The following RNF111 variants were observed in gnomAD, a reference collection of about 807,000 sequenced individuals.
The protein encoded by RNF111 is E3 ubiquitin-protein ligase Arkadia.
A neutral mutation model predicts 95.1 loss-of-function variants in RNF111; 17 were observed. The ratio of observed to expected loss-of-function variants is 0.18; its 90% CI spans 0.12 to 0.27. The LOEUF is 0.27. Among genes scored for constraint, RNF111 ranks in the 10% least tolerant of loss-of-function variants. The probability of loss-of-function intolerance (pLI) is 1.00; values close to 1 mark genes in which losing one functional copy is unlikely to be tolerated. For missense variants in RNF111, 1,189 were observed against 1,210.4 expected, an observed-to-expected ratio of 0.98 and a Z score of 0.26; for synonymous variants, 440 against 414.8, an observed-to-expected ratio of 1.06 and a Z score of -0.74.
intron 1 of RNF111, chr15:59,004,115 T>G: frequency 8.5e-7 from 1 of 1,174,200 alleles, no homozygotes. Context: ...TTTATTTTAT[T>G]CCAGTGTGAA....
intron 1 of RNF111, among the ~76,000 whole-genome samples, chr15:59,000,307 G>A (rs1041974938): frequency 5.9e-5 from 9 of 151,812 alleles, no homozygotes; most frequent in African/African-American, 2.2e-4. Flanking sequence ...GGGACTACAG[G>A]CATGTACCAC....
chr15:59,068,144 C>T (rs984947930), intron 6 of RNF111, among the ~76,000 whole-genome samples: 1 of 151,286 alleles, frequency 6.6e-6, no homozygotes, highest in East Asian at 1.9e-4. Context: ...TGCTTGAACC[C>T]GGGAGGCTTA....
intron 2 of RNF111, among the ~76,000 whole-genome samples, chr15:59,039,027 C>T (rs1180411674): frequency 2.0e-5 from 3 of 152,136 alleles, no homozygotes; most frequent in South Asian, 4.1e-4. Context: ...TGCAATGACA[C>T]GATCTCAGCT....
At chr15:59,071,399 A>G (rs2042919899) in intron 6 of RNF111, among the ~76,000 whole-genome samples, 1 of 151,664 alleles carries the variant, frequency 6.6e-6, no homozygotes, top group Non-Finnish European at 1.5e-5. Context: ...ATGCTTTTGG[A>G]AGGCAGTGCA....
chr15:59,027,652 C>T (rs1473286067), intron 1 of RNF111, among the ~76,000 whole-genome samples: 2 of 152,018 alleles, frequency 1.3e-5, no homozygotes, highest in Non-Finnish European at 2.9e-5. Flanking sequence ...CGTCAGCCTC[C>T]TGAGTAGCTG....
intron 6 of RNF111, among the ~76,000 whole-genome samples, chr15:59,075,046 C>T (rs1033916766): frequency 2.0e-5 from 3 of 152,202 alleles, no homozygotes; most frequent in Non-Finnish European, 4.4e-5. Flanking sequence ...GGGCACAGTT[C>T]TTGGTGCCTA....
chr15:59,063,119 T>G (rs1395285476), intron 5 of RNF111, among the ~76,000 whole-genome samples: 1 of 152,208 alleles, frequency 6.6e-6, no homozygotes, highest in Non-Finnish European at 1.5e-5. Flanking sequence ...GAGCAAGTGT[T>G]TCTCTTCTTG....
intron 3 of RNF111, among the ~76,000 whole-genome samples, chr15:59,053,242 C>T (rs890173388): frequency 1.3e-5 from 2 of 152,152 alleles, no homozygotes; most frequent in African/African-American, 2.4e-5. Context: ...AGACATTGCC[C>T]TATTGCGGAA....
intron 1 of RNF111, among the ~76,000 whole-genome samples, chr15:58,995,291 T>C (rs186881550): frequency 1.1e-4 from 17 of 152,346 alleles, no homozygotes; most frequent in Admixed American, 4.6e-4. Context: ...TGGACATTCT[T>C]TTATAAGGAA....
Position 59,027,546 on chromosome 15 carries a change from G to A in RNF111, c.-19-3258G>A, listed in dbSNP as rs2040678081. On this transcript the variant is annotated intron_variant, in intron 1 of 13. Transcript: ENST00000348370. Reference sequence around the variant, plus strand: ...ATACCTTTTTTTCTTTTTTTTTTTGGGAGACAGAGTCTTGCTCTGTTGCCC... The same window carrying A: ...ATACCTTTTTTTCTTTTTTTTTTTGAGAGACAGAGTCTTGCTCTGTTGCCC... Among the ~76,000 whole-genome samples, 3 of 149,694 alleles carry A rather than the reference G, an allele frequency of 2.0e-5. No individual in the cohort carries two copies. In the South Asian group the frequency reaches 6.3e-4, roughly 32 times the overall value.
intron 1 of RNF111, among the ~76,000 whole-genome samples, chr15:59,024,740 A>G (rs950102105): frequency 1.3e-5 from 2 of 152,234 alleles, no homozygotes; most frequent in Non-Finnish European, 2.9e-5. Flanking sequence ...CATTAAGTAC[A>G]TTGACATTGT....
At chr15:59,082,074 TCTCTCCCC>T (rs1334690199) in intron 8 of RNF111, among the ~76,000 whole-genome samples, 1 of 152,160 alleles carries the variant, frequency 6.6e-6, no homozygotes, top group Admixed American at 6.6e-5. Context: ...GGAGACCCTG[TCTCTCCCC>T]CTCTCCCCAA....
chr15:59,052,259 A>C, intron 2 of RNF111, 46 bp from the exon 3 acceptor site: 1 of 1,473,692 alleles, frequency 6.8e-7, no homozygotes. Context: ...CCTAACGATT[A>C]GCTGACAGGA....
At chr15:58,993,206 T>G (rs146027904) in intron 1 of RNF111, among the ~76,000 whole-genome samples, 7 of 151,512 alleles carry the variant, frequency 4.6e-5, no homozygotes, top group African/African-American at 1.7e-4. Context: ...ATAAAAATGT[T>G]TTAAAATAAT....
chr15:59,011,629 T>C (rs1407234511), intron 1 of RNF111, among the ~76,000 whole-genome samples: 6 of 152,216 alleles, frequency 3.9e-5, no homozygotes, highest in African/African-American at 1.4e-4. Context: ...TGTTCTCACA[T>C]AATCTTTTTT....
chr15:58,998,688 G>T (rs2039191400), intron 1 of RNF111, among the ~76,000 whole-genome samples: 2 of 152,230 alleles, frequency 1.3e-5, no homozygotes, highest in Admixed American at 1.3e-4. Context: ...AAAAACAAAT[G>T]ACAGAATTTA....
Position 59,052,421 on chromosome 15 carries a change from G to A in RNF111, c.997G>A (p.Glu333Lys). The change falls in exon 3 of 14, where the codon GAA becomes AAA. Residue 333 changes from glutamate (E) to lysine (K), a missense_variant. Coordinates refer to ENST00000348370, the MANE Select transcript of RNF111 (RefSeq NM_017610.8). ...TGAAGTGGAGATTGTAACAGTTGGA[G>A]AAAGCTATCGGTGAGATTTTAATTC... ...DSEVEIVTVG[E>K]SYRSRSTLGH... 1 of 1,574,092 alleles carries A rather than the reference G, an allele frequency of 6.4e-7. No individual in the cohort carries two copies. Among genetic ancestry groups the A allele is most frequent in the South Asian group, 1.2e-5 (1 of 81,862 alleles).
chr15:59,005,071 T>C (rs1375377697), intron 1 of RNF111, among the ~76,000 whole-genome samples: 1 of 152,242 alleles, frequency 6.6e-6, no homozygotes, highest in African/African-American at 2.4e-5. Flanking sequence ...ATGGGCTTGA[T>C]GTCTATCTAG....
chr15:59,039,953 G>A (rs1215048826), intron 2 of RNF111, among the ~76,000 whole-genome samples: 1 of 152,002 alleles, frequency 6.6e-6, no homozygotes, highest in Non-Finnish European at 1.5e-5. Context: ...CTGACCTCAT[G>A]ATCCACCTGC....
Sources: gnomAD v4.1 joint callset for allele counts (sites outside exome capture counted in the v4.1 genomes callset) on GRCh38, gnomAD v4.1.1 for gene constraint, MANE v1.5 for transcripts, NCBI Gene and HGNC (gene_info 2026-07-23, HGNC 2026-07-21) for gene names.